DENND1B: variants seen among roughly 807,000 people sequenced by gnomAD.
The protein encoded by DENND1B is DENN domain containing 1B, also known as DENN domain-containing protein 1B.
In DENND1B, 59 loss-of-function variants were observed where a neutral mutation model predicts 90.1. That is an observed-to-expected ratio of 0.65 (90% CI 0.53 to 0.81). The LOEUF is 0.81. DENND1B is among the 40% of genes least tolerant of loss of function. The pLI is 0.00. For synonymous variants in DENND1B, 337 were observed against 324.6 expected (o/e 1.04, Z -0.41); for missense variants, 862 against 912.6 (o/e 0.94, Z 0.71).
intron 20 of DENND1B, among the ~76,000 whole-genome samples, chr1:197,536,995 C>T (rs4026512): frequency 0.44 from 66,511 of 150,022 alleles, 15,368 homozygotes; most frequent in East Asian, 0.66. Flanking sequence ...GAGCCGAGAT[C>T]GCACCACTGC....
chr1:197,651,645 C>CTTTTTTTTT (rs34012616), intron 7 of DENND1B, among the ~76,000 whole-genome samples: 3 of 61,522 alleles, frequency 4.9e-5, no homozygotes, highest in Non-Finnish European at 8.7e-5. Context: ...ATCAATGCTT[C>CTTTTTTTTT]TTTTTTTTTT....
rs916239456 is a variant in DENND1B, at chr1:197,628,563, C to A, written c.673-10804G>T. 3.2e-3 allele frequency among the ~76,000 whole-genome samples: 493 copies of A among 152,120 alleles called. 3 individuals carry two copies. Among genetic ancestry groups the A allele is most frequent in the Non-Finnish European group, 5.4e-3 (370 of 67,992 alleles). ...AAGACTTAAACGTTAGACCTAAAAC[C>A]ATAAAAACCCTAGAAGAAAACCTAG... On this transcript the variant is annotated intron_variant, in intron 10 of 22. Coordinates refer to ENST00000620048, the MANE Select transcript of DENND1B (RefSeq NM_001195215.2).
rs750573172 is a variant in DENND1B at position 197,715,093 on chromosome 1, T to G, written c.83-19A>C. On this transcript the variant is annotated intron_variant, in intron 2 of 22. Transcript: ENST00000620048. ...ACAGGATCTGTAAATAATTGACATG[T>G]ATAATTAAACAGCAGCAAAAGAACA... 1.9e-6 allele frequency: 3 copies of G among 1,605,180 alleles called. No individual in the cohort carries two copies. Among genetic ancestry groups the G allele is most frequent in the Non-Finnish European group, 2.6e-6 (3 of 1,173,744 alleles).
At chr1:197,707,686 A>G (rs970113689) in intron 3 of DENND1B, among the ~76,000 whole-genome samples, 3 of 146,804 alleles carry the variant, frequency 2.0e-5, no homozygotes, top group African/African-American at 7.4e-5. Context: ...AATATAATAT[A>G]ATATAATATA....
intron 20 of DENND1B, among the ~76,000 whole-genome samples, chr1:197,526,514 T>C (rs948586834): frequency 4.6e-5 from 7 of 152,234 alleles, no homozygotes; most frequent in African/African-American, 1.7e-4. Flanking sequence ...ATGTAAAGTC[T>C]AGAATGGTAG....
intron 3 of DENND1B, among the ~76,000 whole-genome samples, chr1:197,705,648 T>TA (rs35856931): frequency 2.0e-4 from 28 of 140,880 alleles, no homozygotes; most frequent in Admixed American, 6.3e-4. Context: ...GGTAGAAATT[T>TA]AAAAAAAAAA....
In DENND1B at chr1:197,574,338, G is replaced by A. The variant is rs143773920; in HGVS notation, c.1149+8814C>T. On this transcript the variant is annotated intron_variant, in intron 15 of 22. Coordinates refer to ENST00000620048, the MANE Select transcript of DENND1B (RefSeq NM_001195215.2). ...CCAAATCATGAGTGAACTCCCATTCGCAATTGCTACAAAGAGAATAAAATA... is the reference window on the plus strand; with the variant it reads ...CCAAATCATGAGTGAACTCCCATTCACAATTGCTACAAAGAGAATAAAATA... Among the ~76,000 whole-genome samples, 870 of 152,100 alleles carry A rather than the reference G, an allele frequency of 5.7e-3. 8 individuals carry two copies. Among genetic ancestry groups the A allele is most frequent in the African/African-American group, 0.019 (797 of 41,502 alleles).
intron 10 of DENND1B, among the ~76,000 whole-genome samples, chr1:197,639,359 C>T (rs990169013): frequency 7.9e-5 from 12 of 152,188 alleles, no homozygotes; most frequent in African/African-American, 2.4e-4. Context: ...CCACTGCATC[C>T]GGCAAGAAAT....
At chr1:197,578,713 C>T (rs1464473912) in intron 15 of DENND1B, among the ~76,000 whole-genome samples, 3 of 151,854 alleles carry the variant, frequency 2.0e-5, no homozygotes, top group Admixed American at 2.0e-4. Context: ...AAATAAAATA[C>T]AACAAAAATT....
upstream of DENND1B, among the ~76,000 whole-genome samples, chr1:197,780,351 G>C (rs1390983477): frequency 6.7e-6 from 1 of 148,998 alleles, no homozygotes; most frequent in Non-Finnish European, 1.5e-5. Context: ...TTTTGAGATG[G>C]AGTCTCGCTC....
At chr1:197,751,124 C>T (rs902347945) in intron 2 of DENND1B, among the ~76,000 whole-genome samples, 21 of 152,158 alleles carry the variant, frequency 1.4e-4, no homozygotes, top group African/African-American at 4.8e-4. Context: ...CCAACAACTG[C>T]AGAATATATA....
chr1:197,566,459 G>A (rs894742430), intron 15 of DENND1B, among the ~76,000 whole-genome samples: 2 of 151,992 alleles, frequency 1.3e-5, no homozygotes, highest in African/African-American at 4.8e-5. Context: ...CAATGGAACA[G>A]AACAGAGCCC....
At chr1:197,739,935 C>T (rs1394993013) in intron 2 of DENND1B, among the ~76,000 whole-genome samples, 1 of 152,162 alleles carries the variant, frequency 6.6e-6, no homozygotes, top group African/African-American at 2.4e-5. Flanking sequence ...ATGTAATGTG[C>T]TAAGATATTC....
chr1:197,645,542 CTTTA>C (rs1466636329), intron 9 of DENND1B, 144 bp downstream of exon 9: 1 of 440,906 alleles, frequency 2.3e-6, no homozygotes, highest in African/African-American at 2.1e-5. Flanking sequence ...AAAATAATAT[CTTTA>C]TTTCTTATTT....
chr1:197,544,846 A>G lies in DENND1B; in HGVS notation c.1350+1076T>C, dbSNP rs1283485114. On this transcript the variant is annotated intron_variant, in intron 18 of 22. Coordinates refer to ENST00000620048, the MANE Select transcript of DENND1B (RefSeq NM_001195215.2). ...AGGAAGAAGAGGAAGAGGAGGAAGAAGAGGAAGAAGAGGAAGGAGGAGAAG... is the reference window on the plus strand; with the variant it reads ...AGGAAGAAGAGGAAGAGGAGGAAGAGGAGGAAGAAGAGGAAGGAGGAGAAG... Among the ~76,000 whole-genome samples the G allele has an allele frequency of 4.8e-3, 702 of 146,252 alleles. 7 individuals are homozygous for G. The highest frequency in any genetic ancestry group is 0.017 in the African/African-American group (654 of 39,458).
At chr1:197,529,310 GTATA>G (rs1205865176) in intron 20 of DENND1B, among the ~76,000 whole-genome samples, 13 of 143,704 alleles carry the variant, frequency 9.0e-5, no homozygotes, top group African/African-American at 3.4e-4. Flanking sequence ...GTGTATATAT[GTATA>G]TATATGTGTG....
At chr1:197,610,161 A>G (rs927721896) in intron 12 of DENND1B, among the ~76,000 whole-genome samples, 3 of 150,760 alleles carry the variant, frequency 2.0e-5, no homozygotes, top group African/African-American at 7.3e-5. Context: ...AGACACTTAG[A>G]TAAGTCCAGA....
chr1:197,746,723 C>T (rs892065886), intron 2 of DENND1B: 3 of 991,708 alleles, frequency 3.0e-6, no homozygotes, highest in African/African-American at 1.6e-5. Context: ...TTTGAGTCCA[C>T]AAATGTCTTG....
In DENND1B at chr1:197,721,933, A is replaced by C. The variant is rs114211303; in HGVS notation, c.83-6859T>G. 5.4e-3 allele frequency among the ~76,000 whole-genome samples: 816 copies of C among 152,292 alleles called. 9 individuals are homozygous for C. The highest frequency in any genetic ancestry group is 0.018 in the African/African-American group (759 of 41,578). ...TTAAGGAACAATTATGGAGGACTAT[A>C]GTTATGTGTACACAAGATATACTGC... On this transcript the variant is annotated intron_variant, in intron 2 of 22. Transcript: ENST00000620048.
Sources: gnomAD v4.1 joint callset for allele counts (sites outside exome capture counted in the v4.1 genomes callset) on GRCh38, gnomAD v4.1.1 for gene constraint, MANE v1.5 for transcripts, NCBI Gene and HGNC (gene_info 2026-07-23, HGNC 2026-07-21) for gene names.